HIP1: variants seen among roughly 807,000 people sequenced by gnomAD.
HIP1 encodes huntingtin-interacting protein 1.
In HIP1, 65 loss-of-function variants were observed where a neutral mutation model predicts 147.6. The observed-to-expected ratio is 0.44, with a 90% CI of 0.36 to 0.54. The LOEUF is 0.54. HIP1 is among the 20% of genes least tolerant of loss of function. The pLI is 0.00. For missense variants in HIP1, 1,061 were observed against 1,299.6 expected (o/e 0.82, Z 2.82); for synonymous variants, 479 against 504.0 (o/e 0.95, Z 0.67).
intron 1 of HIP1, among the ~76,000 whole-genome samples, chr7:75,688,888 C>T (rs958672840): frequency 2.0e-5 from 3 of 152,132 alleles, no homozygotes; most frequent in Admixed American, 6.6e-5. Flanking sequence ...CATCAAGGCC[C>T]CCTTTGTCCT....
chr7:75,721,259 C>T (rs956765213), intron 1 of HIP1, among the ~76,000 whole-genome samples: 1 of 151,876 alleles, frequency 6.6e-6, no homozygotes, highest in African/African-American at 2.4e-5. Flanking sequence ...TGCCTGTAAT[C>T]CCAGCTCCTC....
At chr7:75,555,379 G>C in intron 19 of HIP1, 37 bp downstream of exon 19, 1 of 1,611,480 alleles carries the variant, frequency 6.2e-7, no homozygotes, top group Non-Finnish European at 8.5e-7. Context: ...AGGCTGTAAG[G>C]ACCTGGCCCC....
rs143072737 is a variant in HIP1, at chr7:75,664,223, TTG to T, written c.121-64978_121-64977del. ...ATATACATATGTATATATACATATA[TTG>T]TGTGTGTATACATACACATACTATA... is the stretch of plus-strand genomic sequence containing the variant. On this transcript the variant is annotated intron_variant, in intron 1 of 30. Transcript: ENST00000336926. Among the ~76,000 whole-genome samples, 1,265 of 140,602 alleles carry T rather than the reference TTG, an allele frequency of 9.0e-3. 46 individuals carry two copies. The highest frequency in any genetic ancestry group is 0.034 in the African/African-American group (1,159 of 33,596). The allele number at this position is 140,602 out of a possible 152,430, so 92.2% of individuals were successfully genotyped here. A position where few individuals can be genotyped will look rare whatever the true frequency, so the allele number is the denominator to read the frequency against.
intron 2 of HIP1, among the ~76,000 whole-genome samples, chr7:75,595,738 A>C (rs587622297): frequency 6.6e-6 from 1 of 152,286 alleles, no homozygotes; most frequent in African/African-American, 2.4e-5. Flanking sequence ...TATGTGTCAA[A>C]GCCTGTAAAA....
intron 1 of HIP1, among the ~76,000 whole-genome samples, chr7:75,656,336 A>T (rs1554512628): frequency 6.6e-6 from 1 of 151,926 alleles, no homozygotes; most frequent in Non-Finnish European, 1.5e-5. Context: ...CAGGCTATTC[A>T]GATGGTACCA....
intron 25 of HIP1, among the ~76,000 whole-genome samples, chr7:75,545,637 G>C (rs1794530424): frequency 6.6e-6 from 1 of 150,430 alleles, no homozygotes; most frequent in Non-Finnish European, 1.5e-5. Flanking sequence ...GCGAGATTCT[G>C]TCTCAAACAA....
chr7:75,676,424 A>G (rs1363944731), intron 1 of HIP1, among the ~76,000 whole-genome samples: 2 of 152,200 alleles, frequency 1.3e-5, no homozygotes, highest in Non-Finnish European at 2.9e-5. Flanking sequence ...TCCTGGGCAC[A>G]CACGCAGCCA....
intron 14 of HIP1, among the ~76,000 whole-genome samples, chr7:75,559,162 G>T (rs1322586107): frequency 6.6e-6 from 1 of 152,174 alleles, no homozygotes; most frequent in Non-Finnish European, 1.5e-5. Flanking sequence ...TGTTGCAGAG[G>T]CCGGAGTGCA....
chr7:75,690,133 G>T (rs1800398553), intron 1 of HIP1, among the ~76,000 whole-genome samples: 1 of 152,036 alleles, frequency 6.6e-6, no homozygotes, highest in Non-Finnish European at 1.5e-5. Context: ...AAATTAGCTG[G>T]GCTTGGCGGC....
intron 7 of HIP1, among the ~76,000 whole-genome samples, chr7:75,577,155 A>G (rs1471876971): frequency 6.6e-6 from 1 of 151,808 alleles, no homozygotes; most frequent in African/African-American, 2.4e-5. Flanking sequence ...ATATAGCAAG[A>G]CCCCATCTCT....
At chr7:75,601,688 C>T (rs1262540166) in intron 1 of HIP1, among the ~76,000 whole-genome samples, 19 of 151,962 alleles carry the variant, frequency 1.3e-4, no homozygotes, top group Admixed American at 1.2e-3. Context: ...CATGCATTTA[C>T]GTATTCATTT....
chr7:75,705,269 C>T (rs1251826087), intron 1 of HIP1, among the ~76,000 whole-genome samples: 4 of 152,204 alleles, frequency 2.6e-5, no homozygotes, highest in African/African-American at 9.6e-5. Flanking sequence ...TGGAATCATA[C>T]AGTATTTGTC....
At chr7:75,570,540 C>T (rs1554496421) in intron 8 of HIP1, among the ~76,000 whole-genome samples, 1 of 151,720 alleles carries the variant, frequency 6.6e-6, no homozygotes, top group African/African-American at 2.4e-5. Context: ...ATCCGCCCAC[C>T]TCGGCCTCCC....
At chr7:75,684,249 A>G (rs1378954893) in intron 1 of HIP1, among the ~76,000 whole-genome samples, 1 of 151,810 alleles carries the variant, frequency 6.6e-6, no homozygotes, top group Non-Finnish European at 1.5e-5. Flanking sequence ...GAGTTTGAGA[A>G]CAGCCTGGCC....
chr7:75,599,545 C>T (rs868951490), intron 1 of HIP1, among the ~76,000 whole-genome samples: 1 of 152,176 alleles, frequency 6.6e-6, no homozygotes. Context: ...AATTAAAGCC[C>T]GCACAAAGAG....
chr7:75,598,060 G>A (rs1358422094), intron 2 of HIP1, among the ~76,000 whole-genome samples: 2 of 152,120 alleles, frequency 1.3e-5, no homozygotes, highest in Non-Finnish European at 2.9e-5. Context: ...GGTTGAACCT[G>A]TTCACGAAGG....
intron 1 of HIP1, among the ~76,000 whole-genome samples, chr7:75,703,777 T>A (rs1554519403): frequency 6.6e-6 from 1 of 152,140 alleles, no homozygotes. Flanking sequence ...TCATTTCACA[T>A]CCTACTAAAA....
chr7:75,543,897 G>A (rs1794428757), intron 27 of HIP1, among the ~76,000 whole-genome samples: 1 of 152,202 alleles, frequency 6.6e-6, no homozygotes, highest in Non-Finnish European at 1.5e-5. Flanking sequence ...CTAAGGCCAG[G>A]TGTGGTGGCT....
intron 1 of HIP1, among the ~76,000 whole-genome samples, chr7:75,639,592 T>TGTGCGC (rs879990782): frequency 1.3e-5 from 2 of 148,624 alleles, no homozygotes; most frequent in Admixed American, 6.7e-5. Context: ...TGTGTGTGTG[T>TGTGCGC]GCGCCCGCGT....
Sources: allele counts gnomAD v4.1 joint callset (sites outside exome capture counted in the v4.1 genomes callset), GRCh38; gene constraint gnomAD v4.1.1; transcripts MANE v1.5; gene names NCBI Gene and HGNC (gene_info 2026-07-23, HGNC 2026-07-21).